The following TTC28 variants were observed in gnomAD, a reference collection of about 807,000 sequenced individuals.
The protein encoded by TTC28 is tetratricopeptide repeat domain 28.
TTC28 carries 61 observed loss-of-function variants against 198.0 expected under a neutral mutation model. That is an observed-to-expected ratio of 0.31 (90% CI 0.25 to 0.38). The LOEUF is 0.38. Ranked by LOEUF, TTC28 falls within the 10% of genes least tolerant of loss-of-function variation. The pLI is 1.00. For missense variants in TTC28, 2,678 were observed against 3,164.0 expected (o/e 0.85, Z 3.69); for synonymous variants, 1,171 against 1,297.8 (o/e 0.90, Z 2.10).
At chr22:28,513,420 G>A (rs990207943) in intron 2 of TTC28, among the ~76,000 whole-genome samples, 1 of 152,122 alleles carries the variant, frequency 6.6e-6, no homozygotes, top group African/African-American at 2.4e-5. Context: ...CCAAAAAGCA[G>A]TATTTCCTTT....
intron 8 of TTC28, among the ~76,000 whole-genome samples, chr22:28,101,782 TAAA>T (rs11459818): frequency 0.028 from 1,484 of 53,124 alleles, 9 homozygotes; most frequent in Admixed American, 0.038. Flanking sequence ...CCATCTCTGT[TAAA>T]AAAAAAAAAA....
chr22:28,392,282 C>T (rs2046737529), intron 2 of TTC28, among the ~76,000 whole-genome samples: 2 of 152,226 alleles, frequency 1.3e-5, no homozygotes, highest in African/African-American at 2.4e-5. Flanking sequence ...GCAGAGGTTA[C>T]TGCTGTCTTT....
intron 2 of TTC28, among the ~76,000 whole-genome samples, chr22:28,613,033 T>C (rs2050845306): frequency 6.6e-6 from 1 of 151,888 alleles, no homozygotes; most frequent in Non-Finnish European, 1.5e-5. Flanking sequence ...AAAAAATCAA[T>C]GAATCCAGAA....
At chr22:28,269,268 T>C (rs542727793) in intron 5 of TTC28, among the ~76,000 whole-genome samples, 1 of 152,262 alleles carries the variant, frequency 6.6e-6, no homozygotes, top group South Asian at 2.1e-4. Flanking sequence ...AAGCTAAGGA[T>C]TCAAATGCGA....
intron 2 of TTC28, among the ~76,000 whole-genome samples, chr22:28,525,380 C>T (rs1325660387): frequency 6.6e-6 from 1 of 152,132 alleles, no homozygotes; most frequent in Non-Finnish European, 1.5e-5. Context: ...TCTCAAACAC[C>T]TGAGCTCAAA....
At chr22:28,049,734 G>C (rs1940011013) in intron 12 of TTC28, among the ~76,000 whole-genome samples, 1 of 152,172 alleles carries the variant, frequency 6.6e-6, no homozygotes, top group Non-Finnish European at 1.5e-5. Flanking sequence ...AAGGGCACAA[G>C]ATGAGTGTGT....
At chr22:27,993,667 C>G (rs562716913) in intron 17 of TTC28, 149 bp from the exon 18 acceptor site, 1 of 699,662 alleles carries the variant, frequency 1.4e-6, no homozygotes, top group Non-Finnish European at 2.3e-6. Context: ...GGATGTGACA[C>G]TGGGGCACTG....
intron 2 of TTC28, among the ~76,000 whole-genome samples, chr22:28,348,227 C>A (rs1265639050): frequency 6.6e-6 from 1 of 152,178 alleles, no homozygotes; most frequent in Non-Finnish European, 1.5e-5. Flanking sequence ...CAGATGTGGT[C>A]TAAAAATAGG....
intron 2 of TTC28, among the ~76,000 whole-genome samples, chr22:28,362,176 G>A (rs555259803): frequency 6.6e-6 from 1 of 152,234 alleles, no homozygotes; most frequent in South Asian, 2.1e-4. Flanking sequence ...CATGTGTTAT[G>A]CGAGGGACCC....
At chr22:28,401,199 G>A (rs1293671149) in intron 2 of TTC28, among the ~76,000 whole-genome samples, 1 of 151,920 alleles carries the variant, frequency 6.6e-6, no homozygotes, top group East Asian at 1.9e-4. Flanking sequence ...GGGGGGAGGA[G>A]GAGGAGGATG....
intron 2 of TTC28, among the ~76,000 whole-genome samples, chr22:28,474,136 A>T (rs2048132164): frequency 6.6e-6 from 1 of 152,246 alleles, no homozygotes; most frequent in African/African-American, 2.4e-5. Flanking sequence ...ATGACATTTT[A>T]AAAATGTTAT....
At chr22:28,272,553 G>T (rs1288829123) in intron 5 of TTC28, among the ~76,000 whole-genome samples, 1 of 152,088 alleles carries the variant, frequency 6.6e-6, no homozygotes, top group Non-Finnish European at 1.5e-5. Context: ...TAAATATCAG[G>T]AATCAAAATA....
chr22:28,018,295 G>C lies in TTC28; in HGVS notation c.4074-3903C>G, dbSNP rs1345922825. Among the ~76,000 whole-genome samples, 21 of 118,010 alleles carry C rather than the reference G, an allele frequency of 1.8e-4. No individual in the cohort carries two copies. In the East Asian group the frequency reaches 5.0e-3, roughly 28 times the overall value. The allele number at this position is 118,010 out of a possible 152,430, so 77.4% of individuals were successfully genotyped here. The stretch of plus-strand genomic sequence containing the variant: ...TGTGTGTGTATGTGTGTGCGCGCGT[G>C]TGTGCGCGCGCGGGGGGGGGGGCGG... On this transcript the variant is annotated intron_variant, in intron 13 of 22. Transcript: ENST00000397906.
chr22:28,257,091 C>T (rs1277576791), intron 5 of TTC28, among the ~76,000 whole-genome samples: 1 of 152,100 alleles, frequency 6.6e-6, no homozygotes, highest in African/African-American at 2.4e-5. Flanking sequence ...ATTAAAAAGA[C>T]AGGCAATAAC....
At chr22:28,579,152 A>C (rs1488370181) in intron 2 of TTC28, among the ~76,000 whole-genome samples, 1 of 137,170 alleles carries the variant, frequency 7.3e-6, no homozygotes, top group Non-Finnish European at 1.6e-5. Context: ...GTATATAGCT[A>C]TACATACATA....
chr22:28,343,310 A>G (rs1281481395), intron 2 of TTC28, among the ~76,000 whole-genome samples: 2 of 152,126 alleles, frequency 1.3e-5, no homozygotes, highest in African/African-American at 4.8e-5. Flanking sequence ...CAGGTGGATC[A>G]TTTGAGGTCA....
chr22:28,140,840 AC>A (rs1258863792), intron 6 of TTC28, among the ~76,000 whole-genome samples: 1 of 152,028 alleles, frequency 6.6e-6, no homozygotes, highest in East Asian at 1.9e-4. Flanking sequence ...TGATTTTTTT[AC>A]TTGGAAAATA....
intron 2 of TTC28, among the ~76,000 whole-genome samples, chr22:28,560,596 G>A (rs2049854326): frequency 1.3e-5 from 2 of 151,910 alleles, no homozygotes; most frequent in Admixed American, 1.3e-4. Context: ...CTCTTCCTGG[G>A]ACATGCTTTC....
At chr22:28,477,628 A>G (rs1401659478) in intron 2 of TTC28, among the ~76,000 whole-genome samples, 1 of 152,232 alleles carries the variant, frequency 6.6e-6, no homozygotes, top group Non-Finnish European at 1.5e-5. Context: ...CATTTGTGGT[A>G]GATAGATTGC....
Sources: gnomAD v4.1 joint callset for allele counts (sites outside exome capture counted in the v4.1 genomes callset) on GRCh38, gnomAD v4.1.1 for gene constraint, MANE v1.5 for transcripts, NCBI Gene and HGNC (gene_info 2026-07-23, HGNC 2026-07-21) for gene names.